Variants in ADD3 observed in about 807,000 individuals in gnomAD.
ADD3 encodes the protein adducin 3, also known as gamma-adducin.
In ADD3, 25 loss-of-function variants were observed where a neutral mutation model predicts 80.2. The ratio of observed to expected loss-of-function variants is 0.31; its 90% CI spans 0.23 to 0.44. The LOEUF (loss-of-function observed/expected upper bound fraction) is 0.44. Among genes scored for constraint, ADD3 ranks in the 20% least tolerant of loss-of-function variants. ADD3 has a pLI of 1.00. For synonymous variants in ADD3, 284 were observed against 289.6 expected, an observed-to-expected ratio of 0.98 and a Z score of 0.20; for missense variants, 829 against 847.5, an observed-to-expected ratio of 0.98 and a Z score of 0.27.
At position 110,133,825 on chromosome 10, in the gene ADD3, C is replaced by T. The variant is rs1853378955; in HGVS notation, c.*207C>T. Reference sequence around the variant, plus strand: ...TCCAGAAATGGCTTTGAATTTTAAGCAATTACTAGTTTTAATTAGCTCTGC... The same window carrying T: ...TCCAGAAATGGCTTTGAATTTTAAGTAATTACTAGTTTTAATTAGCTCTGC... On this transcript the variant is annotated 3_prime_UTR_variant, in exon 15 of 15. Coordinates refer to ENST00000356080, the MANE Select transcript of ADD3 (RefSeq NM_016824.5). 2.4e-6 allele frequency: 1 copy of T among 411,628 alleles called. No individual in the cohort carries two copies. The highest frequency in any genetic ancestry group is 3.8e-5 in the East Asian group (1 of 26,164). The allele number at this position is 411,628 out of a possible 1,614,324, so 25.5% of individuals were successfully genotyped here. A position where few individuals can be genotyped will look rare whatever the true frequency, so the allele number is the denominator to read the frequency against.
chr10:110,053,413 C>A (rs1857754304), intron 1 of ADD3, among the ~76,000 whole-genome samples: 1 of 145,836 alleles, frequency 6.9e-6, no homozygotes, highest in South Asian at 2.1e-4. Flanking sequence ...TATCTGGATT[C>A]TATAAAGGTC....
chr10:110,118,333 A>G (rs1851043645), intron 5 of ADD3, among the ~76,000 whole-genome samples: 1 of 152,166 alleles, frequency 6.6e-6, no homozygotes, highest in African/African-American at 2.4e-5. Context: ...CTTGCCAAGT[A>G]CCAAGTTTTG....
intron 12 of ADD3, among the ~76,000 whole-genome samples, chr10:110,127,455 GAAAATACAAAAATT>G: frequency 6.6e-6 from 1 of 152,162 alleles, no homozygotes; most frequent in Admixed American, 6.5e-5. Context: ...CATCTCTACT[GAAAATACAAAAATT>G]AGCTGTGCGT....
chr10:110,084,531 T>C (rs894574188), intron 1 of ADD3, among the ~76,000 whole-genome samples: 86 of 152,242 alleles, frequency 5.6e-4, no homozygotes, highest in Admixed American at 2.6e-4. Flanking sequence ...TATCTCATTC[T>C]AATGTAGATA....
intron 1 of ADD3, among the ~76,000 whole-genome samples, chr10:110,042,607 G>C (rs1356785463): frequency 6.6e-6 from 1 of 151,568 alleles, no homozygotes; most frequent in African/African-American, 2.4e-5. Context: ...TGTGGATTTT[G>C]GTGTTATCTA....
chr10:110,108,886 A>G (rs935422589), intron 2 of ADD3, among the ~76,000 whole-genome samples: 1 of 152,174 alleles, frequency 6.6e-6, no homozygotes, highest in African/African-American at 2.4e-5. Context: ...AATTTTTTTT[A>G]TACCTATACT....
intron 2 of ADD3, among the ~76,000 whole-genome samples, chr10:110,108,344 G>A (rs1445919751): frequency 5.9e-5 from 9 of 152,026 alleles, no homozygotes. Context: ...AGTTGTATTT[G>A]GTTTCAGAGA....
chr10:110,100,593 A>T, intron 1 of ADD3, 32 bp from the exon 2 acceptor site: 5 of 1,360,652 alleles, frequency 3.7e-6, no homozygotes, highest in Non-Finnish European at 4.8e-6. Flanking sequence ...TGAATTTATC[A>T]TGGATGTCCT....
chr10:110,044,631 G>C (rs1021322656), intron 1 of ADD3, among the ~76,000 whole-genome samples: 1 of 152,184 alleles, frequency 6.6e-6, no homozygotes, highest in Non-Finnish European at 1.5e-5. Context: ...TGATGTAATG[G>C]GGAGGAGAAC....
chr10:110,114,789 C>T (rs753373083), intron 3 of ADD3, among the ~76,000 whole-genome samples: 3 of 152,116 alleles, frequency 2.0e-5, no homozygotes, highest in Non-Finnish European at 4.4e-5. Context: ...TTGGAAATAG[C>T]AGGCTAGGCT....
chr10:110,073,613 T>A (rs1845041383), intron 1 of ADD3, among the ~76,000 whole-genome samples: 1 of 152,194 alleles, frequency 6.6e-6, no homozygotes, highest in South Asian at 2.1e-4. Context: ...GTTTGCACAG[T>A]TGGTTTTTAA....
chr10:110,074,707 A>G (rs1845187337), intron 1 of ADD3, among the ~76,000 whole-genome samples: 1 of 152,230 alleles, frequency 6.6e-6, no homozygotes, highest in African/African-American at 2.4e-5. Flanking sequence ...CTGAAAATAC[A>G]ATATGACAGA....
chr10:110,072,123 G>A (rs1486455350), intron 1 of ADD3, among the ~76,000 whole-genome samples: 1 of 152,136 alleles, frequency 6.6e-6, no homozygotes, highest in East Asian at 1.9e-4. Context: ...GCGCAGTGGC[G>A]CAATCTCGGC....
At chr10:110,067,244 T>C (rs1844066055) in intron 1 of ADD3, among the ~76,000 whole-genome samples, 1 of 152,234 alleles carries the variant, frequency 6.6e-6, no homozygotes, top group Non-Finnish European at 1.5e-5. Context: ...CTGTTAAACG[T>C]GAAATCAAAT....
intron 1 of ADD3, among the ~76,000 whole-genome samples, chr10:110,032,380 C>A (rs1430534859): frequency 6.6e-6 from 1 of 152,180 alleles, no homozygotes; most frequent in South Asian, 2.1e-4. Context: ...CACTCATCCA[C>A]TTCTGCCTTC....
At chr10:110,049,983 G>T (rs1305030978) in intron 1 of ADD3, among the ~76,000 whole-genome samples, 1 of 151,992 alleles carries the variant, frequency 6.6e-6, no homozygotes, top group African/African-American at 2.4e-5. Context: ...CTCCCATTTG[G>T]AACAGCTGTA....
chr10:110,098,216 A>T (rs1164348194), intron 1 of ADD3, among the ~76,000 whole-genome samples: 1 of 152,232 alleles, frequency 6.6e-6, no homozygotes, highest in Non-Finnish European at 1.5e-5. Flanking sequence ...ATGGTTGAAT[A>T]TACTGAAACA....
chr10:110,080,033 A>T (rs1845893022), intron 1 of ADD3, among the ~76,000 whole-genome samples: 1 of 152,172 alleles, frequency 6.6e-6, no homozygotes, highest in Non-Finnish European at 1.5e-5. Flanking sequence ...GGGGTACTAT[A>T]GGGAAGGTAT....
chr10:110,009,440 A>G (rs1028241309), intron 1 of ADD3, among the ~76,000 whole-genome samples: 35 of 152,184 alleles, frequency 2.3e-4, no homozygotes, highest in Non-Finnish European at 2.1e-4. Context: ...TTGAAAAAAT[A>G]AGAGTACAGT....
Sources: gnomAD v4.1 joint callset for allele counts (sites outside exome capture counted in the v4.1 genomes callset) on GRCh38, gnomAD v4.1.1 for gene constraint, MANE v1.5 for transcripts, NCBI Gene and HGNC (gene_info 2026-07-23, HGNC 2026-07-21) for gene names.